Variants in SPRED2 observed in about 807,000 individuals in gnomAD.
SPRED2 encodes the protein sprouty-related, EVH1 domain-containing protein 2.
A neutral mutation model predicts 43.0 loss-of-function variants in SPRED2; 47 were observed. That is an observed-to-expected ratio of 1.09 (90% CI 0.87 to 1.40). The LOEUF (loss-of-function observed/expected upper bound fraction) is 1.40. SPRED2 is among the 40% of genes most tolerant of loss of function. The pLI is 0.00. For missense variants in SPRED2, 561 were observed against 586.4 expected (o/e 0.96, Z 0.45); for synonymous variants, 225 against 225.7 (o/e 1.00, Z 0.03).
chr2:65,344,711 GCCATTA>G lies in SPRED2; in HGVS notation c.204+2_204+7del. ...AATTTAACCCACGAGTTGTATGTCT[GCCATTA>G]CCAGTTTGTCTTTCTGTCGTTCACC... is the stretch of plus-strand genomic sequence containing the variant. On this transcript the variant is annotated splice_donor_variant and splice_donor_5th_base_variant and intron_variant, in intron 2 of 5. Transcript: ENST00000356388. LOFTEE classifies it high-confidence loss of function. 6.2e-7 allele frequency: 1 copy of G among 1,613,614 alleles called. No homozygotes were observed. Among genetic ancestry groups the G allele is most frequent in the Non-Finnish European group, 8.5e-7 (1 of 1,179,574 alleles).
chr2:65,363,701 C>T (rs1472487346), intron 1 of SPRED2, among the ~76,000 whole-genome samples: 5 of 152,144 alleles, frequency 3.3e-5, no homozygotes, highest in Non-Finnish European at 7.4e-5. Flanking sequence ...ACCACACATC[C>T]GGACAGCAAG....
Position 65,344,845 on chromosome 2 carries a change from GGA to G in SPRED2, c.76_77del (p.Ser26GlnfsTer19). 6.2e-7 allele frequency: 1 copy of G among 1,614,098 alleles called. No homozygotes were observed. Among genetic ancestry groups the G allele is most frequent in the Admixed American group, 1.7e-5 (1 of 60,008 alleles). On this transcript the variant is annotated frameshift_variant, in exon 2 of 6. Coordinates refer to ENST00000356388, the MANE Select transcript of SPRED2 (RefSeq NM_181784.3). LOFTEE classifies it high-confidence loss of function. ...VKAVVMTRDD[S>X]SGGWFPQEGG... is the part of the protein sequence containing the mutation. ...CTTCCTGTGGGAACCATCCCCCGCTGGAGTCATCTCTGGTCATAACCACAGCC... is the reference window on the plus strand; with the variant it reads ...CTTCCTGTGGGAACCATCCCCCGCTGGTCATCTCTGGTCATAACCACAGCC...
At chr2:65,345,479 T>G (rs1477924270) in intron 1 of SPRED2, among the ~76,000 whole-genome samples, 1 of 152,146 alleles carries the variant, frequency 6.6e-6, no homozygotes, top group African/African-American at 2.4e-5. Flanking sequence ...CACGCTGGTC[T>G]GGAACTCCTG....
intron 1 of SPRED2, among the ~76,000 whole-genome samples, chr2:65,383,124 T>C (rs1675413249): frequency 6.6e-6 from 1 of 152,192 alleles, no homozygotes. Flanking sequence ...CATGCTAGCT[T>C]GGCGTCTGTA....
In SPRED2 at chr2:65,316,731, C is replaced by T; in HGVS notation, c.588+3G>A. The T allele has an allele frequency of 1.2e-6, 2 of 1,607,518 alleles. No individual in the cohort carries two copies. The highest frequency in any genetic ancestry group is 1.7e-6 in the Non-Finnish European group (2 of 1,177,486). ...CCCTCAGAGGAACAGGGCTGCTGCT[C>T]ACCTGATCGAGGTGATAGTGGTCTG... On this transcript the variant is annotated splice_donor_region_variant and intron_variant, in intron 5 of 5. Coordinates refer to ENST00000356388, the MANE Select transcript of SPRED2 (RefSeq NM_181784.3).
Position 65,313,698 on chromosome 2 carries a change from T to TA in SPRED2, c.1059dup (p.Met354TyrfsTer17). ...GTATAGTCTCCCTCGGGGTCCGACA[T>TA]ACAGTGATAGAGCATGCTGTCCGCG... On this transcript the variant is annotated frameshift_variant, in exon 6 of 6. Coordinates refer to ENST00000356388, the MANE Select transcript of SPRED2 (RefSeq NM_181784.3). LOFTEE classifies it high-confidence loss of function. The TA allele has an allele frequency of 1.9e-6, 3 of 1,614,132 alleles. No homozygotes were observed. The highest frequency in any genetic ancestry group is 2.5e-6 in the Non-Finnish European group (3 of 1,180,002).
chr2:65,322,294 A>ATATATATT lies in SPRED2; in HGVS notation c.439-5412_439-5411insAATATATA, dbSNP rs1350932295. Reference sequence around the variant, plus strand: ...TCTATATATATATATATATATATATATTTTTTTTTTTTTTTTTGAGACGGA... The same window carrying ATATATATT: ...TCTATATATATATATATATATATATATATATATTTTTTTTTTTTTTTTTTTGAGACGGA... On this transcript the variant is annotated intron_variant, in intron 4 of 5. Coordinates refer to ENST00000356388, the MANE Select transcript of SPRED2 (RefSeq NM_181784.3). Among the ~76,000 whole-genome samples the ATATATATT allele has an allele frequency of 1.7e-4, 11 of 64,930 alleles. 1 individual carries two copies. Among genetic ancestry groups the ATATATATT allele is most frequent in the African/African-American group, 2.9e-4 (4 of 14,032 alleles). The allele number at this position is 64,930 out of a possible 152,430, so 42.6% of individuals were successfully genotyped here.
intron 1 of SPRED2, among the ~76,000 whole-genome samples, chr2:65,374,311 C>G (rs1386879356): frequency 6.6e-6 from 1 of 152,156 alleles, no homozygotes; most frequent in Non-Finnish European, 1.5e-5. Context: ...ATACCTAGGT[C>G]CAGACCAAGC....
chr2:65,417,926 C>G (rs1188310681), intron 1 of SPRED2, among the ~76,000 whole-genome samples: 2 of 152,212 alleles, frequency 1.3e-5, no homozygotes, highest in Non-Finnish European at 2.9e-5. Flanking sequence ...AAAAACAAAA[C>G]TTCACTTGGG....
At chr2:65,400,766 T>A (rs1045722967) in intron 1 of SPRED2, among the ~76,000 whole-genome samples, 1 of 152,156 alleles carries the variant, frequency 6.6e-6, no homozygotes, top group Non-Finnish European at 1.5e-5. Context: ...GAATCTGGAA[T>A]CCAGAATTCA....
chr2:65,386,153 C>T (rs1472993237), intron 1 of SPRED2, among the ~76,000 whole-genome samples: 2 of 151,906 alleles, frequency 1.3e-5, no homozygotes, highest in Admixed American at 6.6e-5. Flanking sequence ...GGCGTGGTAG[C>T]GGGTGCCTAT....
chr2:65,399,269 C>CA (rs1360241172), intron 1 of SPRED2, among the ~76,000 whole-genome samples: 1,375 of 78,662 alleles, frequency 0.017, 8 homozygotes, highest in African/African-American at 0.03. Flanking sequence ...AAATCTGTCT[C>CA]AAAAAAAAAA....
At chr2:65,409,043 G>A (rs934606748) in intron 1 of SPRED2, among the ~76,000 whole-genome samples, 9 of 152,158 alleles carry the variant, frequency 5.9e-5, no homozygotes, top group Non-Finnish European at 1.3e-4. Context: ...AGACCTTTAT[G>A]CACATAAATC....
At chr2:65,379,173 T>C (rs1301681040) in intron 1 of SPRED2, among the ~76,000 whole-genome samples, 1 of 152,092 alleles carries the variant, frequency 6.6e-6, no homozygotes, top group Non-Finnish European at 1.5e-5. Flanking sequence ...AGAAGTGACT[T>C]TTTACCAATA....
At chr2:65,390,046 A>G (rs1453380222) in intron 1 of SPRED2, among the ~76,000 whole-genome samples, 1 of 152,198 alleles carries the variant, frequency 6.6e-6, no homozygotes, top group Non-Finnish European at 1.5e-5. Flanking sequence ...CCCCTTTCCT[A>G]TGTTTGGATT....
chr2:65,418,429 T>C (rs1354767227), intron 1 of SPRED2, among the ~76,000 whole-genome samples: 2 of 152,158 alleles, frequency 1.3e-5, no homozygotes. Flanking sequence ...ACCTGTCTCC[T>C]CCCCTAAATA....
chr2:65,422,909 T>C (rs1010325503), intron 1 of SPRED2, among the ~76,000 whole-genome samples: 5 of 152,148 alleles, frequency 3.3e-5, no homozygotes, highest in African/African-American at 1.2e-4. Context: ...CAGATTTGCT[T>C]TGCGAGTCTG....
rs1481269361 is a variant in SPRED2, at chr2:65,313,840, G to A, written c.918C>T (p.Arg306=). 1 of 1,612,312 alleles carries A rather than the reference G, an allele frequency of 6.2e-7. No individual in the cohort carries two copies. The highest frequency in any genetic ancestry group is 8.5e-7 in the Non-Finnish European group (1 of 1,179,988). ...KSRRRKEDGE[R]SRCVYCRDMF... ...TGTCCCTGCAGTACACGCACCGCGA[G>A]CGCTCTCCGTCCTCCTTCCGCCGCC... The change falls in exon 6 of 6, where the codon CGC becomes CGT. Residue 306 remains arginine, a synonymous_variant. Transcript: ENST00000356388.
At chr2:65,428,387 C>T (rs561695505) in intron 1 of SPRED2, among the ~76,000 whole-genome samples, 2 of 152,320 alleles carry the variant, frequency 1.3e-5, no homozygotes, top group Admixed American at 1.3e-4. Flanking sequence ...GCATTTAACT[C>T]GGGGTCTTCG....
Sources: allele counts gnomAD v4.1 joint callset (sites outside exome capture counted in the v4.1 genomes callset), GRCh38; gene constraint gnomAD v4.1.1; transcripts MANE v1.5; gene names NCBI Gene and HGNC (gene_info 2026-07-23, HGNC 2026-07-21).